The following ROBO1 variants were observed in gnomAD, a reference collection of about 807,000 sequenced individuals.
ROBO1 encodes the protein roundabout homolog 1.
A neutral mutation model predicts 195.9 loss-of-function variants in ROBO1; 149 were observed. The ratio of observed to expected loss-of-function variants is 0.76; its 90% CI spans 0.67 to 0.87. The LOEUF is 0.87. Ranked by LOEUF, ROBO1 falls within the 40% of genes least tolerant of loss-of-function variation. The pLI is 0.00. For synonymous variants in ROBO1, 816 were observed against 733.2 expected (o/e 1.11, Z -1.82); for missense variants, 1,933 against 2,068.3 (o/e 0.93, Z 1.27).
At chr3:78,955,703 T>C (rs1241784402) in intron 3 of ROBO1, among the ~76,000 whole-genome samples, 1 of 152,178 alleles carries the variant, frequency 6.6e-6, no homozygotes, top group Non-Finnish European at 1.5e-5. Context: ...AACTCTTGAT[T>C]CTAGGTGAGT....
At chr3:79,150,864 T>C (rs1381191352) in intron 2 of ROBO1, among the ~76,000 whole-genome samples, 1 of 151,782 alleles carries the variant, frequency 6.6e-6, no homozygotes, top group Non-Finnish European at 1.5e-5. Flanking sequence ...CTACCTTATC[T>C]TGCAAACCAA....
At chr3:79,347,863 G>C (rs1475157086) in intron 2 of ROBO1, among the ~76,000 whole-genome samples, 1 of 152,126 alleles carries the variant, frequency 6.6e-6, no homozygotes, top group Non-Finnish European at 1.5e-5. Context: ...TTGAACAAAG[G>C]CACTGAATGA....
chr3:79,353,400 A>AACACAC (rs10608740), intron 2 of ROBO1, among the ~76,000 whole-genome samples: 11 of 148,124 alleles, frequency 7.4e-5, no homozygotes, highest in African/African-American at 2.5e-4. Flanking sequence ...CACAGAAACA[A>AACACAC]ACACACACAC....
chr3:79,106,878 C>G (rs1328502094), intron 3 of ROBO1, among the ~76,000 whole-genome samples: 1 of 151,626 alleles, frequency 6.6e-6, no homozygotes, highest in Non-Finnish European at 1.5e-5. Context: ...AAGTCACAAG[C>G]TATAAATGTG....
intron 23 of ROBO1, among the ~76,000 whole-genome samples, chr3:78,634,973 A>C (rs1260014875): frequency 1.3e-5 from 2 of 152,166 alleles, no homozygotes; most frequent in Non-Finnish European, 2.9e-5. Flanking sequence ...TGTATTCTTT[A>C]CCTGGAATAG....
At chr3:79,717,274 G>T (rs968204311) in intron 1 of ROBO1, among the ~76,000 whole-genome samples, 2 of 151,802 alleles carry the variant, frequency 1.3e-5, no homozygotes, top group Non-Finnish European at 2.9e-5. Context: ...TTTCTGAAGA[G>T]AATACAGTTT....
chr3:79,229,401 T>C (rs181915005), intron 2 of ROBO1, among the ~76,000 whole-genome samples: 39 of 152,212 alleles, frequency 2.6e-4, no homozygotes, highest in African/African-American at 8.9e-4. Flanking sequence ...ATTTCACAAG[T>C]GACTGAATAA....
Position 78,634,382 on chromosome 3 carries a change from A to T in ROBO1, c.3374-340T>A, listed in dbSNP as rs554645340. The T allele has an allele frequency of 8.2e-5, 16 of 195,650 alleles. No individual in the cohort carries two copies. In the East Asian group the frequency reaches 2.1e-3, roughly 26 times the overall value. The allele number at this position is 195,650 out of a possible 1,614,324, so 12.1% of individuals were successfully genotyped here. A position where few individuals can be genotyped will look rare whatever the true frequency, so the allele number is the denominator to read the frequency against. Reference sequence around the variant, plus strand: ...TCTAATAAAAAATATATCTATGATTAAAAAAAACAAATATCTTAATTTGCC... The same window carrying T: ...TCTAATAAAAAATATATCTATGATTTAAAAAAACAAATATCTTAATTTGCC... On this transcript the variant is annotated intron_variant, in intron 23 of 30. Coordinates refer to ENST00000464233, the MANE Select transcript of ROBO1 (RefSeq NM_002941.4).
chr3:79,481,595 T>C (rs1349489919), intron 2 of ROBO1, among the ~76,000 whole-genome samples: 1 of 152,176 alleles, frequency 6.6e-6, no homozygotes, highest in Non-Finnish European at 1.5e-5. Flanking sequence ...ATGTTTCTCA[T>C]ACTTAATGGT....
chr3:79,616,845 C>G (rs970260895), intron 1 of ROBO1, among the ~76,000 whole-genome samples: 1 of 152,030 alleles, frequency 6.6e-6, no homozygotes, highest in African/African-American at 2.4e-5. Context: ...CAGACTTGCA[C>G]GAAGGGTTGT....
intron 1 of ROBO1, among the ~76,000 whole-genome samples, chr3:79,670,303 A>C (rs1946595061): frequency 6.6e-6 from 1 of 151,884 alleles, no homozygotes; most frequent in South Asian, 2.1e-4. Context: ...GAGTGCATAA[A>C]ATAGATTTAA....
chr3:79,196,324 GAGA>G (rs1315231008), intron 2 of ROBO1, among the ~76,000 whole-genome samples: 6 of 147,270 alleles, frequency 4.1e-5, no homozygotes, highest in South Asian at 2.2e-4. Flanking sequence ...AAGATGAGGT[GAGA>G]AGAAGACTAT....
chr3:79,606,156 T>C, intron 1 of ROBO1, among the ~76,000 whole-genome samples: 1 of 143,938 alleles, frequency 6.9e-6, no homozygotes, highest in African/African-American at 2.7e-5. Flanking sequence ...ATTTACTCAT[T>C]TAAAAAAAAT....
chr3:78,999,757 A>G (rs1374889), intron 3 of ROBO1, among the ~76,000 whole-genome samples: 150,107 of 152,200 alleles, frequency 0.99, 74,041 homozygotes, highest in East Asian at 1. Flanking sequence ...CTTTACAGGC[A>G]CCTGATGAGA....
chr3:79,687,790 A>G (rs1384747369), intron 1 of ROBO1, among the ~76,000 whole-genome samples: 1 of 152,192 alleles, frequency 6.6e-6, no homozygotes, highest in East Asian at 1.9e-4. Flanking sequence ...AACTAGTTCA[A>G]CCATTGTGGA....
intron 2 of ROBO1, among the ~76,000 whole-genome samples, chr3:79,456,221 T>C (rs1458534478): frequency 6.6e-6 from 1 of 152,184 alleles, no homozygotes; most frequent in Non-Finnish European, 1.5e-5. Flanking sequence ...ATTAACACAA[T>C]CTGTCAAGCA....
intron 2 of ROBO1, among the ~76,000 whole-genome samples, chr3:79,260,239 GTTTC>G (rs796529797): frequency 1.3e-5 from 2 of 151,940 alleles, no homozygotes; most frequent in East Asian, 3.9e-4. Context: ...AATCACATGA[GTTTC>G]TTTATCATAA....
At chr3:79,141,567 GTT>G (rs11315738) in intron 2 of ROBO1, among the ~76,000 whole-genome samples, 332 of 139,398 alleles carry the variant, frequency 2.4e-3, no homozygotes, top group South Asian at 0.015. Context: ...TGCTGTTGTT[GTT>G]TTTTTTTTTT....
intron 2 of ROBO1, among the ~76,000 whole-genome samples, chr3:79,174,025 G>A (rs1232344928): frequency 1.3e-5 from 2 of 152,078 alleles, no homozygotes; most frequent in Non-Finnish European, 2.9e-5. Context: ...TGTCAAAACA[G>A]ACCACTTGGC....
Sources: gnomAD v4.1 joint callset for allele counts (sites outside exome capture counted in the v4.1 genomes callset) on GRCh38, gnomAD v4.1.1 for gene constraint, MANE v1.5 for transcripts, NCBI Gene and HGNC (gene_info 2026-07-23, HGNC 2026-07-21) for gene names.